SOCS7: variants seen among roughly 807,000 people sequenced by gnomAD.
SOCS7 encodes suppressor of cytokine signaling 7.
Under a neutral mutation model 58.9 loss-of-function variants are expected in SOCS7, and 18 were observed. The ratio of observed to expected loss-of-function variants is 0.31; its 90% CI spans 0.21 to 0.45. SOCS7 has a LOEUF of 0.45. SOCS7 is among the 20% of genes least tolerant of loss of function. The probability of loss-of-function intolerance (pLI) is 1.00; values close to 1 mark genes in which losing one functional copy is unlikely to be tolerated. For missense variants in SOCS7, 667 were observed against 837.3 expected, an observed-to-expected ratio of 0.80 and a Z score of 2.51; for synonymous variants, 388 against 364.3, an observed-to-expected ratio of 1.06 and a Z score of -0.74.
Position 38,405,018 on chromosome 17 carries a change from A to C in SOCS7, c.*5536A>C, listed in dbSNP as rs1353663859. The C allele has an allele frequency of 6.6e-6, 1 of 151,416 alleles. No homozygotes were observed. The allele number at this position is 151,416 out of a possible 1,614,324, so 9.4% of individuals were successfully genotyped here. The stretch of plus-strand genomic sequence containing the variant: ...AGAAAGGGAGCCACCCCTTGCAACC[A>C]CTTCTGTCTCCGTTAGCCCCCCCTC... On this transcript the variant is annotated 3_prime_UTR_variant, in exon 10 of 10. Coordinates refer to ENST00000612932, the MANE Select transcript of SOCS7 (RefSeq NM_014598.4).
chr17:38,366,383 G>A lies in SOCS7; in HGVS notation c.1349G>A (p.Ser450Asn). ...TGTCCCCTCTACCGGCCTGACTCGA[G>A]CAGCTTTGCAGCCAGCCTTCGAGAG... is the stretch of plus-strand genomic sequence containing the variant. ...LQCPLYRPDSSSFAASLRELE... is the reference protein window; with the variant it reads ...LQCPLYRPDSNSFAASLRELE... Residue 450 changes from serine (S) to asparagine (N), a missense_variant, in exon 5 of 10, where the codon AGC becomes AAC. Around this residue, in one of 9 missense-constraint regions of SOCS7, gnomAD observed 76 missense variants for 194.5 expected, o/e 0.39. Transcript: ENST00000612932. The A allele has an allele frequency of 6.2e-7, 1 of 1,614,248 alleles. No homozygotes were observed. Among genetic ancestry groups the A allele is most frequent in the Non-Finnish European group, 8.5e-7 (1 of 1,180,048 alleles).
At chr17:38,385,441 CTTTCT>C (rs1346850148) in intron 7 of SOCS7, among the ~76,000 whole-genome samples, 2 of 128,480 alleles carry the variant, frequency 1.6e-5, no homozygotes, top group African/African-American at 3.4e-5. Flanking sequence ...AATTTCTTTT[CTTTCT>C]TTTTTTTTTT....
chr17:38,368,506 C>CT (rs11314039), intron 6 of SOCS7, among the ~76,000 whole-genome samples: 32,754 of 145,680 alleles, frequency 0.22, 4,724 homozygotes, highest in East Asian at 0.44. Flanking sequence ...GAATTTCTTT[C>CT]TTTTTTTTTT....
At chr17:38,399,228 G>A (rs1489424629) in intron 9 of SOCS7, among the ~76,000 whole-genome samples, 1 of 152,166 alleles carries the variant, frequency 6.6e-6, no homozygotes, top group Non-Finnish European at 1.5e-5. Flanking sequence ...GAAATGAAGG[G>A]GTAAGGGAAA....
intron 6 of SOCS7, among the ~76,000 whole-genome samples, chr17:38,375,521 A>G (rs2037919661): frequency 6.6e-6 from 1 of 152,202 alleles, no homozygotes; most frequent in Non-Finnish European, 1.5e-5. Flanking sequence ...TTGTAAGAAT[A>G]CAGTATATAA....
chr17:38,377,959 G>A lies in SOCS7; in HGVS notation c.1681+117G>A, dbSNP rs41499546. ...AAGCTTTTTTTCCCTGGCTGTTGGA[G>A]CCACCACTCCTCTTACAGAGTCCCA... is the stretch of plus-strand genomic sequence containing the variant. On this transcript the variant is annotated intron_variant, in intron 7 of 9. Coordinates refer to ENST00000612932, the MANE Select transcript of SOCS7 (RefSeq NM_014598.4). The A allele has an allele frequency of 3.7e-3, 3,317 of 892,886 alleles. 62 individuals carry two copies. In the African/African-American group the frequency reaches 0.049, roughly 13 times the overall value. 55.3% of individuals were successfully genotyped at this position (892,886 alleles called of 1,614,324 possible). A position where few individuals can be genotyped will look rare whatever the true frequency, so the allele number is the denominator to read the frequency against.
At chr17:38,365,588 C>T in intron 4 of SOCS7, 179 bp downstream of exon 4, 1 of 452,830 alleles carries the variant, frequency 2.2e-6, no homozygotes, top group Non-Finnish European at 3.8e-6. Context: ...TTTTCCTAAC[C>T]CGTTTTCTTT....
rs530038697 is a variant in SOCS7 at position 38,386,462 on chromosome 17, A to G, written c.1681+8620A>G. On this transcript the variant is annotated intron_variant, in intron 7 of 9. Transcript: ENST00000612932. The stretch of plus-strand genomic sequence containing the variant: ...GGGTGACAGAGTGAGACTGTATCTC[A>G]GAAACAAACAAAAAAACTGAGGCTT... Among the ~76,000 whole-genome samples, 24 of 152,078 alleles carry G rather than the reference A, an allele frequency of 1.6e-4. 1 individual carries two copies. Among genetic ancestry groups the G allele is most frequent in the African/African-American group, 5.8e-4 (24 of 41,462 alleles).
At chr17:38,389,510 C>G (rs2038122409) in intron 7 of SOCS7, among the ~76,000 whole-genome samples, 1 of 152,090 alleles carries the variant, frequency 6.6e-6, no homozygotes, top group African/African-American at 2.4e-5. Flanking sequence ...GAACCGAGAT[C>G]ACGCCACTGC....
At chr17:38,368,166 T>C in intron 6 of SOCS7, 116 bp downstream of exon 6, 3 of 909,054 alleles carry the variant, frequency 3.3e-6, no homozygotes, top group Non-Finnish European at 5.0e-6. Flanking sequence ...GGAAAAATTA[T>C]CTTAGACTCA....
intron 8 of SOCS7, 64 bp from the exon 9 acceptor site, chr17:38,395,784 G>A (rs2038237050): frequency 6.6e-7 from 1 of 1,504,852 alleles, no homozygotes; most frequent in Admixed American, 1.8e-5. Context: ...TTGAACAAAG[G>A]AGTTACTTCT....
At chr17:38,380,499 G>A (rs967404406) in intron 7 of SOCS7, among the ~76,000 whole-genome samples, 3 of 151,756 alleles carry the variant, frequency 2.0e-5, no homozygotes, top group Non-Finnish European at 4.4e-5. Flanking sequence ...GTGTGGTGGT[G>A]CACGCCTGTA....
At chr17:38,353,678 C>T (rs1329128918) in intron 1 of SOCS7, among the ~76,000 whole-genome samples, 1 of 152,080 alleles carries the variant, frequency 6.6e-6, no homozygotes, top group Non-Finnish European at 1.5e-5. Flanking sequence ...CCGAGGAGGG[C>T]GGATCACCTG....
rs1016770589 is a variant in SOCS7, at chr17:38,352,017, C to G, written c.-36C>G. ...GCCCGGCCTAGTCCCCACCCCAGCC[C>G]GGCTCCCAGCCGCCCGCCCTCCCTC... On this transcript the variant is annotated 5_prime_UTR_variant, in exon 1 of 10. Coordinates refer to ENST00000612932, the MANE Select transcript of SOCS7 (RefSeq NM_014598.4). The surrounding 1 kb of genome is among the most constrained non-coding windows in gnomAD (Gnocchi z 5.5). Among the ~76,000 whole-genome samples the G allele has an allele frequency of 6.6e-6, 1 of 151,060 alleles. No homozygotes were observed. Among genetic ancestry groups the G allele is most frequent in the African/African-American group, 2.4e-5 (1 of 41,316 alleles).
chr17:38,372,454 A>G (rs893887417), intron 6 of SOCS7, among the ~76,000 whole-genome samples: 1 of 152,216 alleles, frequency 6.6e-6, no homozygotes, highest in African/African-American at 2.4e-5. Flanking sequence ...TTCATAGCCA[A>G]CTAACTCCCT....
At chr17:38,367,759 TTTTA>T (rs2037810724) in intron 5 of SOCS7, 119 bp from the exon 6 acceptor site, 1 of 815,308 alleles carries the variant, frequency 1.2e-6, no homozygotes, top group Non-Finnish European at 1.9e-6. Flanking sequence ...TGTAAGTGGC[TTTTA>T]CCTATTGAAA....
intron 7 of SOCS7, among the ~76,000 whole-genome samples, chr17:38,387,107 A>ATATATATATATATATATATGTATG: frequency 1.2e-5 from 1 of 84,956 alleles, no homozygotes; most frequent in East Asian, 3.1e-4. Flanking sequence ...AAAAAAATAT[A>ATATATATATATATATATATGTATG]TATATATATA....
chr17:38,379,153 G>C (rs1392257791), intron 7 of SOCS7, among the ~76,000 whole-genome samples: 1 of 130,950 alleles, frequency 7.6e-6, no homozygotes, highest in East Asian at 2.2e-4. Context: ...GCGAGACCCT[G>C]TCTCAAAAAA....
chr17:38,364,407 A>G (rs1309721729), intron 2 of SOCS7, among the ~76,000 whole-genome samples: 1 of 152,202 alleles, frequency 6.6e-6, no homozygotes, highest in Middle Eastern at 3.2e-3. Context: ...TTGATACACA[A>G]TTCTGAAAAA....
Sources: allele counts gnomAD v4.1 joint callset (sites outside exome capture counted in the v4.1 genomes callset), GRCh38; gene constraint gnomAD v4.1.1; regional missense constraint gnomAD v4.1.1; non-coding constraint Gnocchi (gnomAD v3.1); transcripts MANE v1.5; gene names NCBI Gene and HGNC (gene_info 2026-07-23, HGNC 2026-07-21).